CSMD1: variants seen among roughly 807,000 people sequenced by gnomAD.
The protein encoded by CSMD1 is CUB and Sushi multiple domains 1.
CSMD1 carries 213 observed loss-of-function variants against 417.5 expected under a neutral mutation model. The ratio of observed to expected loss-of-function variants is 0.51; its 90% CI spans 0.46 to 0.57. CSMD1 has a LOEUF of 0.57. Ranked by LOEUF, CSMD1 falls within the 20% of genes least tolerant of loss-of-function variation. CSMD1 has a pLI of 0.00. For synonymous variants in CSMD1, 2,862 were observed against 1,736.8 expected (o/e 1.65, Z -16.11); for missense variants, 6,923 against 4,529.7 (o/e 1.53, Z -15.17).
chr8:3,965,246 A>T (rs1365837749), intron 5 of CSMD1, among the ~76,000 whole-genome samples: 1 of 152,166 alleles, frequency 6.6e-6, no homozygotes, highest in South Asian at 2.1e-4. Context: ...AATGCTTTCC[A>T]CTCAGCCTTT....
At chr8:4,271,336 G>C (rs766115435) in intron 3 of CSMD1, among the ~76,000 whole-genome samples, 3 of 152,118 alleles carry the variant, frequency 2.0e-5, no homozygotes, top group Non-Finnish European at 4.4e-5. Context: ...TCATTAGTAA[G>C]AAACACTGGC....
intron 49 of CSMD1, among the ~76,000 whole-genome samples, chr8:3,057,433 T>C (rs1812307815): frequency 6.6e-6 from 1 of 152,152 alleles, no homozygotes; most frequent in African/African-American, 2.4e-5. Context: ...TCATCAACTA[T>C]ATGTGTATTT....
intron 21 of CSMD1, among the ~76,000 whole-genome samples, chr8:3,354,428 C>A (rs953526512): frequency 6.8e-6 from 1 of 147,586 alleles, no homozygotes; most frequent in Non-Finnish European, 1.5e-5. Context: ...TTTAAAAGCA[C>A]AGAAATAGAA....
chr8:4,629,437 G>A (rs538365212), intron 2 of CSMD1, among the ~76,000 whole-genome samples: 89 of 152,152 alleles, frequency 5.8e-4, no homozygotes, highest in African/African-American at 1.7e-3. Flanking sequence ...GACTCCTTAC[G>A]TATATTTTAC....
intron 12 of CSMD1, among the ~76,000 whole-genome samples, chr8:3,436,107 A>G (rs538090216): frequency 2.0e-5 from 3 of 152,012 alleles, no homozygotes; most frequent in Admixed American, 1.3e-4. Flanking sequence ...AGGCTCCCTC[A>G]CTCTCCAGCC....
intron 15 of CSMD1, among the ~76,000 whole-genome samples, chr8:3,402,494 G>A (rs896581303): frequency 2.6e-5 from 4 of 152,136 alleles, no homozygotes; most frequent in African/African-American, 9.7e-5. Flanking sequence ...GCAGAAGAAA[G>A]AGAGAAAGAG....
rs181808198 is a variant in CSMD1, at chr8:4,905,798, C to A, written c.85+88534G>T. ...TTGTGCCACTGCACTCCAGCCTGGG[C>A]CACAGAGCGAGACTCCATCTCAAAA... On this transcript the variant is annotated intron_variant, in intron 1 of 69. Transcript: ENST00000635120. 2.6e-3 allele frequency among the ~76,000 whole-genome samples: 369 copies of A among 141,976 alleles called. 1 individual carries two copies. The highest frequency in any genetic ancestry group is 4.6e-3 in the Non-Finnish European group (304 of 66,778). 93.1% of individuals were successfully genotyped at this position (141,976 alleles called of 152,430 possible).
At chr8:4,705,055 G>C (rs1451018643) in intron 1 of CSMD1, among the ~76,000 whole-genome samples, 2 of 152,142 alleles carry the variant, frequency 1.3e-5, no homozygotes, top group Non-Finnish European at 2.9e-5. Context: ...TCTCATGCTA[G>C]TGGGTGAGTT....
intron 6 of CSMD1, among the ~76,000 whole-genome samples, chr8:3,751,765 T>C (rs775070899): frequency 4.6e-5 from 7 of 152,168 alleles, no homozygotes; most frequent in Non-Finnish European, 7.3e-5. Context: ...TTAACCTTTC[T>C]TTCAATTACA....
intron 7 of CSMD1, among the ~76,000 whole-genome samples, chr8:3,693,887 T>C (rs900459283): frequency 1.3e-5 from 2 of 150,972 alleles, no homozygotes; most frequent in African/African-American, 4.9e-5. Flanking sequence ...GTATGTTGAA[T>C]ATAGATGTGT....
chr8:4,775,723 G>T (rs936080467), intron 1 of CSMD1, among the ~76,000 whole-genome samples: 6 of 152,160 alleles, frequency 3.9e-5, no homozygotes, highest in African/African-American at 1.4e-4. Context: ...CGTGGGGATG[G>T]GATATCTCCA....
intron 18 of CSMD1, among the ~76,000 whole-genome samples, chr8:3,379,268 A>G (rs1810490553): frequency 6.6e-6 from 1 of 152,246 alleles, no homozygotes. Flanking sequence ...AAATAAAAAA[A>G]CATTCCATGC....
chr8:3,278,589 T>G (rs1339707908), intron 26 of CSMD1: 1 of 152,226 alleles, frequency 6.6e-6, no homozygotes, highest in African/African-American at 2.4e-5. Context: ...TTCCAATGTT[T>G]TAAATTATAA....
At chr8:3,721,395 G>C (rs1160134069) in intron 6 of CSMD1, among the ~76,000 whole-genome samples, 1 of 152,100 alleles carries the variant, frequency 6.6e-6, no homozygotes, top group East Asian at 1.9e-4. Flanking sequence ...CAGGTTTTTA[G>C]GATCAGTCCC....
chr8:3,264,235 C>G (rs370310054), intron 26 of CSMD1, among the ~76,000 whole-genome samples: 28 of 152,112 alleles, frequency 1.8e-4, no homozygotes, highest in Non-Finnish European at 3.5e-4. Context: ...ACATTCTCTG[C>G]GAATTCACCA....
chr8:4,394,389 T>A (rs992271351), intron 3 of CSMD1, among the ~76,000 whole-genome samples: 8 of 152,212 alleles, frequency 5.3e-5, no homozygotes, highest in African/African-American at 1.7e-4. Context: ...CCACTAGAAA[T>A]GGTTTTCTTA....
At position 3,181,126 on chromosome 8, in the gene CSMD1, G is replaced by A. The variant is rs1821296127; in HGVS notation, c.5709C>T (p.Phe1903=). The change falls in exon 37 of 70, where the codon TTC becomes TTT. Residue 1903 remains phenylalanine (F), a synonymous_variant. Transcript: ENST00000635120. ...QSDISVAAAG[F]HLEYKTVGLA... is the part of the protein sequence containing the mutation. ...TGACCTTACTTTTGTATTCCAGGTG[G>A]AAACCAGCAGCTGCCACACTAATGT... The A allele has an allele frequency of 6.2e-7, 1 of 1,613,312 alleles. No individual in the cohort carries two copies. The highest frequency in any genetic ancestry group is 1.3e-5 in the African/African-American group (1 of 75,034).
intron 20 of CSMD1, among the ~76,000 whole-genome samples, chr8:3,366,060 A>G (rs17321325): frequency 0.19 from 28,659 of 152,186 alleles, 3,145 homozygotes; most frequent in South Asian, 0.34. Context: ...TCAAAAGTAG[A>G]ATAAATTACA....
intron 7 of CSMD1, among the ~76,000 whole-genome samples, chr8:3,617,458 C>T (rs1425672453): frequency 1.3e-5 from 2 of 152,148 alleles, no homozygotes; most frequent in Non-Finnish European, 2.9e-5. Flanking sequence ...TCTAATCAAA[C>T]TAACACATTT....
Sources: gnomAD v4.1 joint callset for allele counts (sites outside exome capture counted in the v4.1 genomes callset) on GRCh38, gnomAD v4.1.1 for gene constraint, MANE v1.5 for transcripts, NCBI Gene and HGNC (gene_info 2026-07-23, HGNC 2026-07-21) for gene names.